The following GABRG1 variants were observed in gnomAD, a reference collection of about 807,000 sequenced individuals.
GABRG1 encodes the protein gamma-aminobutyric acid receptor subunit gamma-1.
Under a neutral mutation model 49.8 loss-of-function variants are expected in GABRG1, and 49 were observed. That is an observed-to-expected ratio of 0.98 (90% confidence interval 0.78 to 1.25). GABRG1 has a LOEUF of 1.25. Among genes scored for constraint, GABRG1 ranks in the 50% most tolerant of loss-of-function variants. The probability of loss-of-function intolerance (pLI) is 0.00; values close to 1 mark genes in which losing one functional copy is unlikely to be tolerated. For missense variants in GABRG1, 552 were observed against 552.3 expected, an observed-to-expected ratio of 1.00 and a Z score of 0.01; for synonymous variants, 232 against 185.1, an observed-to-expected ratio of 1.25 and a Z score of -2.06.
chr4:46,058,909 A>T (rs1718561215), intron 5 of GABRG1, among the ~76,000 whole-genome samples: 2 of 152,060 alleles, frequency 1.3e-5, no homozygotes, highest in African/African-American at 4.8e-5. Flanking sequence ...CCCAATCTAG[A>T]GGTAATAACT....
chr4:46,087,730 C>T (rs1346943802), intron 2 of GABRG1, among the ~76,000 whole-genome samples: 1 of 151,770 alleles, frequency 6.6e-6, no homozygotes, highest in Non-Finnish European at 1.5e-5. Flanking sequence ...TTCCAGTTTC[C>T]CTAGACTATA....
chr4:46,108,672 G>A (rs527448699), intron 1 of GABRG1, among the ~76,000 whole-genome samples: 2 of 150,774 alleles, frequency 1.3e-5, no homozygotes, highest in East Asian at 3.9e-4. Context: ...GAGAAGTGAT[G>A]GGCACTAAGT....
chr4:46,058,237 A>G lies in GABRG1; in HGVS notation c.896T>C (p.Val299Ala), dbSNP rs1718526856. ...CATACCCAACGATGTTCTTGCAGGCACTGCATCTTTATTGATCCAAAAAGA... is the reference window on the plus strand; with the variant it reads ...CATACCCAACGATGTTCTTGCAGGCGCTGCATCTTTATTGATCCAAAAAGA... ...WVSFWINKDA[V>A]PARTSLGITT... Residue 299 changes from valine to alanine, a missense_variant, in exon 7 of 9, where the codon GTG (valine) becomes GCG (alanine). By Grantham distance (64) the Val-to-Ala change is moderately conservative. Transcript: ENST00000295452. The G allele has an allele frequency of 6.2e-7, 1 of 1,612,708 alleles. No homozygotes were observed. The highest frequency in any genetic ancestry group is 1.3e-5 in the African/African-American group (1 of 74,896).
Position 46,035,874 on chromosome 4 carries a change from A to T in GABRG1, c.*5114T>A, listed in dbSNP as rs1449587092. ...GAAAAATTGAGACACCTTTGCCACA[A>T]AATTACAAATGTTCCTCAAAACAAT... On this transcript the variant is annotated 3_prime_UTR_variant, in exon 9 of 9. Transcript: ENST00000295452. The T allele has an allele frequency of 6.6e-6, 1 of 152,008 alleles. No individual in the cohort carries two copies. Among genetic ancestry groups the T allele is most frequent in the Non-Finnish European group, 1.5e-5 (1 of 67,928 alleles). The allele number at this position is 152,008 out of a possible 1,614,324, so 9.4% of individuals were successfully genotyped here.
chr4:46,077,173 A>G (rs1399060393), intron 3 of GABRG1, among the ~76,000 whole-genome samples: 1 of 148,770 alleles, frequency 6.7e-6, no homozygotes, highest in Admixed American at 6.8e-5. Flanking sequence ...GGGGGGAGGG[A>G]TAGCATTAGG....
chr4:46,058,625 A>G lies in GABRG1; in HGVS notation c.626-3T>C. The G allele has an allele frequency of 6.2e-7, 1 of 1,608,632 alleles. No individual in the cohort carries two copies. Among genetic ancestry groups the G allele is most frequent in the Non-Finnish European group, 8.5e-7 (1 of 1,177,042 alleles). ...AATTTCATTTTTAGGGTATCCATCT[A>G]TAGAGAAAAAATACATAGATTAGCA... On this transcript the variant is annotated splice_region_variant and splice_polypyrimidine_tract_variant and intron_variant, in intron 5 of 8. Transcript: ENST00000295452.
chr4:46,074,398 G>A (rs2109415829), intron 3 of GABRG1, among the ~76,000 whole-genome samples: 1 of 152,180 alleles, frequency 6.6e-6, no homozygotes, highest in South Asian at 2.1e-4. Flanking sequence ...TGCAGAAAAT[G>A]AAAAACTTTC....
At chr4:46,096,345 G>T (rs910595000) in intron 2 of GABRG1, among the ~76,000 whole-genome samples, 1 of 151,550 alleles carries the variant, frequency 6.6e-6, no homozygotes, top group Non-Finnish European at 1.5e-5. Context: ...ATAAATGAAA[G>T]ACTAAGGCTA....
intron 3 of GABRG1, among the ~76,000 whole-genome samples, chr4:46,076,407 T>G: frequency 8.3e-6 from 1 of 120,770 alleles, no homozygotes; most frequent in African/African-American, 3.0e-5. Flanking sequence ...ATATATATGC[T>G]AAATTACTTT....
intron 3 of GABRG1, among the ~76,000 whole-genome samples, chr4:46,065,938 G>A (rs978487083): frequency 1.3e-5 from 2 of 152,066 alleles, no homozygotes; most frequent in African/African-American, 2.4e-5. Context: ...TAGCCAGGAT[G>A]GTCTCGATCT....
At chr4:46,058,937 G>A (rs1311943228) in intron 5 of GABRG1, among the ~76,000 whole-genome samples, 4 of 151,956 alleles carry the variant, frequency 2.6e-5, no homozygotes, top group Non-Finnish European at 5.9e-5. Context: ...TTTCTGCGAT[G>A]ATCTTTTCTT....
intron 5 of GABRG1, among the ~76,000 whole-genome samples, chr4:46,061,106 T>C (rs1718655432): frequency 6.6e-6 from 1 of 152,162 alleles, no homozygotes; most frequent in Non-Finnish European, 1.5e-5. Context: ...CAGAGAGCTA[T>C]CACACCAAAA....
At chr4:46,090,642 C>T (rs1719944599) in intron 2 of GABRG1, among the ~76,000 whole-genome samples, 1 of 151,810 alleles carries the variant, frequency 6.6e-6, no homozygotes, top group African/African-American at 2.4e-5. Flanking sequence ...ATATCCAACC[C>T]AATAAAGAAA....
At chr4:46,103,132 G>T (rs1031476883) in intron 1 of GABRG1, among the ~76,000 whole-genome samples, 3 of 151,448 alleles carry the variant, frequency 2.0e-5, no homozygotes, top group Admixed American at 1.3e-4. Flanking sequence ...ACACGGGAGG[G>T]AGCTTCTTCC....
chr4:46,099,171 T>C (rs1720293958), intron 1 of GABRG1, among the ~76,000 whole-genome samples: 1 of 151,708 alleles, frequency 6.6e-6, no homozygotes, highest in African/African-American at 2.4e-5. Flanking sequence ...TTGTCTGTAA[T>C]TTGCAATACT....
rs571798662 is a variant in GABRG1, at chr4:46,038,054, C to G, written c.*2934G>C. ...TTACTGTGCTTAATTTAAAGTTGAT[C>G]AATTTTAAAAACTTATTAAAGAAAT... On this transcript the variant is annotated 3_prime_UTR_variant, in exon 9 of 9. Transcript: ENST00000295452. 6.6e-6 allele frequency: 1 copy of G among 151,718 alleles called. No individual in the cohort carries two copies. Among genetic ancestry groups the G allele is most frequent in the East Asian group, 1.9e-4 (1 of 5,156 alleles). 9.4% of individuals were successfully genotyped at this position (151,718 alleles called of 1,614,324 possible). A position where few individuals can be genotyped will look rare whatever the true frequency, so the allele number is the denominator to read the frequency against.
intron 3 of GABRG1, among the ~76,000 whole-genome samples, chr4:46,076,867 T>C (rs574612894): frequency 3.1e-4 from 47 of 151,988 alleles, no homozygotes; most frequent in African/African-American, 1.1e-3. Context: ...TTTCAATATT[T>C]GACCAAAATC....
intron 1 of GABRG1, among the ~76,000 whole-genome samples, chr4:46,112,284 A>T (rs1720740657): frequency 6.6e-6 from 1 of 151,044 alleles, no homozygotes; most frequent in Admixed American, 6.6e-5. Context: ...AAACCACAAC[A>T]AGATATCCTA....
At chr4:46,062,226 T>G (rs1220095444) in intron 5 of GABRG1, among the ~76,000 whole-genome samples, 3 of 151,974 alleles carry the variant, frequency 2.0e-5, no homozygotes, top group African/African-American at 7.3e-5. Context: ...TATGGCTGCA[T>G]AGTATTCCAT....
Sources: gnomAD v4.1 joint callset for allele counts (sites outside exome capture counted in the v4.1 genomes callset) on GRCh38, gnomAD v4.1.1 for gene constraint, MANE v1.5 for transcripts, NCBI Gene and HGNC (gene_info 2026-07-23, HGNC 2026-07-21) for gene names.